CSMD1: variants seen among roughly 807,000 people sequenced by gnomAD.
The protein encoded by CSMD1 is CUB and Sushi multiple domains 1.
A neutral mutation model predicts 417.5 loss-of-function variants in CSMD1; 213 were observed. The ratio of observed to expected loss-of-function variants is 0.51; its 90% CI spans 0.46 to 0.57. The LOEUF (loss-of-function observed/expected upper bound fraction) is 0.57, where lower values mean the gene tolerates loss of function less well. Among genes scored for constraint, CSMD1 ranks in the 20% least tolerant of loss-of-function variants. The pLI is 0.00. For missense variants in CSMD1, 6,923 were observed against 4,529.7 expected, an observed-to-expected ratio of 1.53 and a Z score of -15.17; for synonymous variants, 2,862 against 1,736.8, an observed-to-expected ratio of 1.65 and a Z score of -16.11.
At chr8:3,499,000 T>C (rs1469444501) in intron 10 of CSMD1, among the ~76,000 whole-genome samples, 1 of 152,174 alleles carries the variant, frequency 6.6e-6, no homozygotes, top group African/African-American at 2.4e-5. Context: ...GCTGTCCTTT[T>C]CTTTGGGATA....
intron 3 of CSMD1, among the ~76,000 whole-genome samples, chr8:4,246,761 CAAG>C (rs1311858272): frequency 1.3e-5 from 2 of 151,952 alleles, no homozygotes; most frequent in African/African-American, 2.4e-5. Flanking sequence ...AAAACAGGAT[CAAG>C]AAGATTTTTT....
At chr8:3,360,342 T>C (rs894702450) in intron 20 of CSMD1, among the ~76,000 whole-genome samples, 1 of 152,262 alleles carries the variant, frequency 6.6e-6, no homozygotes, top group Non-Finnish European at 1.5e-5. Context: ...CCACGTTCTT[T>C]ACAGCCAACT....
At chr8:4,683,883 A>G (rs1293913786) in intron 1 of CSMD1, among the ~76,000 whole-genome samples, 1 of 152,200 alleles carries the variant, frequency 6.6e-6, no homozygotes, top group Non-Finnish European at 1.5e-5. Flanking sequence ...ATTGTCAAGA[A>G]CTTTATAGGA....
At chr8:4,163,326 G>A (rs777419444) in intron 3 of CSMD1, among the ~76,000 whole-genome samples, 7 of 152,124 alleles carry the variant, frequency 4.6e-5, no homozygotes, top group Admixed American at 1.3e-4. Flanking sequence ...TTCCAAAGTG[G>A]CTGTTCCATT....
intron 1 of CSMD1, among the ~76,000 whole-genome samples, chr8:4,719,107 G>C (rs997435780): frequency 6.6e-6 from 1 of 152,138 alleles, no homozygotes; most frequent in African/African-American, 2.4e-5. Context: ...TCTGCACAAA[G>C]AAGCTCTGAA....
intron 5 of CSMD1, among the ~76,000 whole-genome samples, chr8:3,955,575 G>A (rs991747412): frequency 6.6e-6 from 1 of 152,054 alleles, no homozygotes; most frequent in Non-Finnish European, 1.5e-5. Context: ...TATTCCATAG[G>A]AGATTGGTGC....
Position 3,219,437 on chromosome 8 carries a change from T to A in CSMD1, c.4490A>T (p.Asn1497Ile), listed in dbSNP as rs28455997. Residue 1497 changes from asparagine (N) to isoleucine (I), a missense_variant, in exon 29 of 70, where the codon AAC becomes ATC. Asn to Ile is a moderately radical substitution (Grantham distance 149, BLOSUM62 -3). Transcript: ENST00000635120. ...FVIALIFKSFNMEPSYDFLHI... is the reference protein window; with the variant it reads ...FVIALIFKSFIMEPSYDFLHI... ...TAGGAAGTCATAGCTGGGCTCCATG[T>A]TGAAACTAAAGAAAAGAATAGTAAT... 1.3e-6 allele frequency: 2 copies of A among 1,482,168 alleles called. No individual in the cohort carries two copies. Among genetic ancestry groups the A allele is most frequent in the Admixed American group, 2.7e-5 (1 of 37,342 alleles). The allele number at this position is 1,482,168 out of a possible 1,614,324, so 91.8% of individuals were successfully genotyped here.
intron 1 of CSMD1, among the ~76,000 whole-genome samples, chr8:4,920,103 G>A (rs150667950): frequency 1.3e-5 from 2 of 152,142 alleles, no homozygotes; most frequent in African/African-American, 4.8e-5. Flanking sequence ...ACAATGTTGA[G>A]ATCAATCAAG....
chr8:4,374,481 C>A (rs535995839), intron 3 of CSMD1, among the ~76,000 whole-genome samples: 3 of 152,060 alleles, frequency 2.0e-5, no homozygotes, highest in Admixed American at 6.6e-5. Flanking sequence ...AGACAGCTTG[C>A]TACTGGCAGG....
chr8:4,001,443 T>C (rs1048021034), intron 4 of CSMD1, among the ~76,000 whole-genome samples: 1 of 152,150 alleles, frequency 6.6e-6, no homozygotes, highest in African/African-American at 2.4e-5. Context: ...GTAGTGGATA[T>C]GAGTTAACTG....
chr8:4,768,826 G>A (rs760608026), intron 1 of CSMD1, among the ~76,000 whole-genome samples: 6 of 152,166 alleles, frequency 3.9e-5, no homozygotes, highest in Admixed American at 6.5e-5. Flanking sequence ...AATAGAAGCA[G>A]TTATTATTCA....
intron 5 of CSMD1, among the ~76,000 whole-genome samples, chr8:3,771,530 G>T (rs1350746964): frequency 6.6e-6 from 1 of 152,126 alleles, no homozygotes; most frequent in East Asian, 1.9e-4. Flanking sequence ...GCTCATTTGG[G>T]TGACTGGATA....
intron 4 of CSMD1, among the ~76,000 whole-genome samples, chr8:3,998,370 G>A (rs766528497): frequency 6.6e-6 from 1 of 152,178 alleles, no homozygotes; most frequent in Non-Finnish European, 1.5e-5. Context: ...AACATGGAAA[G>A]TGTAGTTGCC....
intron 3 of CSMD1, among the ~76,000 whole-genome samples, chr8:4,036,894 G>A (rs1018807775): frequency 6.6e-6 from 1 of 152,108 alleles, no homozygotes; most frequent in Admixed American, 6.6e-5. Flanking sequence ...TCCCAAAGAT[G>A]ACCATGTTTG....
At chr8:4,513,720 C>T (rs1233178870) in intron 2 of CSMD1, among the ~76,000 whole-genome samples, 1 of 152,194 alleles carries the variant, frequency 6.6e-6, no homozygotes, top group Non-Finnish European at 1.5e-5. Flanking sequence ...TCCACAGATA[C>T]ACACACATAA....
chr8:3,008,131 A>G (rs1299158171), intron 52 of CSMD1, among the ~76,000 whole-genome samples: 2 of 152,220 alleles, frequency 1.3e-5, no homozygotes, highest in African/African-American at 4.8e-5. Flanking sequence ...TATTGAGTCC[A>G]TTTTCATAGC....
At chr8:4,107,857 G>A (rs1281631637) in intron 3 of CSMD1, among the ~76,000 whole-genome samples, 1 of 152,090 alleles carries the variant, frequency 6.6e-6, no homozygotes, top group Non-Finnish European at 1.5e-5. Context: ...TCTCTCTGAT[G>A]GAAATAGAAG....
At chr8:4,071,190 C>G (rs1167985018) in intron 3 of CSMD1, among the ~76,000 whole-genome samples, 2 of 151,928 alleles carry the variant, frequency 1.3e-5, no homozygotes, top group East Asian at 3.9e-4. Flanking sequence ...CCCTTATTCT[C>G]CCTCTCTTTC....
intron 4 of CSMD1, among the ~76,000 whole-genome samples, chr8:4,025,605 G>C (rs937356569): frequency 3.3e-5 from 5 of 152,222 alleles, no homozygotes; most frequent in Admixed American, 6.5e-5. Context: ...TCCTTTTTAA[G>C]ACTGGCAGAA....
Sources: gnomAD v4.1 joint callset for allele counts (sites outside exome capture counted in the v4.1 genomes callset) on GRCh38, gnomAD v4.1.1 for gene constraint, MANE v1.5 for transcripts, NCBI Gene and HGNC (gene_info 2026-07-23, HGNC 2026-07-21) for gene names.